The following DPP10 variants were observed in gnomAD, a reference collection of about 807,000 sequenced individuals.
DPP10 encodes dipeptidyl peptidase like 10.
In DPP10, 33 loss-of-function variants were observed where a neutral mutation model predicts 120.9. The observed-to-expected ratio is 0.27, with a 90% CI of 0.21 to 0.37. DPP10 has a LOEUF of 0.37. Ranked by LOEUF, DPP10 falls within the 10% of genes least tolerant of loss-of-function variation. The probability of loss-of-function intolerance (pLI) is 1.00; values close to 1 mark genes in which losing one functional copy is unlikely to be tolerated. For missense variants in DPP10, 816 were observed against 942.8 expected (o/e 0.87, Z 1.76); for synonymous variants, 337 against 326.1 (o/e 1.03, Z -0.36).
chr2:115,169,676 G>C lies in DPP10; in HGVS notation c.61-139563G>C, dbSNP rs1254043464. 2.6e-5 allele frequency among the ~76,000 whole-genome samples: 4 copies of C among 152,112 alleles called. No homozygotes were observed. In the South Asian group the frequency reaches 6.2e-4, roughly 24 times the overall value. On this transcript the variant is annotated intron_variant, in intron 1 of 25. Transcript: ENST00000410059. ...TTTACTTAGAAATTCTTTGCATACG[G>C]GAACAGGTGATATTATTTAGTTGAA...
intron 8 of DPP10, among the ~76,000 whole-genome samples, chr2:115,737,862 C>G (rs1676762711): frequency 6.6e-6 from 1 of 152,104 alleles, no homozygotes; most frequent in Non-Finnish European, 1.5e-5. Flanking sequence ...CTAGAAACAT[C>G]CCCGGTGTTG....
chr2:114,997,606 T>C (rs984849785), intron 1 of DPP10, among the ~76,000 whole-genome samples: 1 of 152,204 alleles, frequency 6.6e-6, no homozygotes, highest in Non-Finnish European at 1.5e-5. Context: ...CATATAATTT[T>C]ACAAAAAAAC....
chr2:115,043,059 C>T (rs910362939), intron 1 of DPP10, among the ~76,000 whole-genome samples: 29 of 152,166 alleles, frequency 1.9e-4, no homozygotes, highest in Non-Finnish European at 3.8e-4. Flanking sequence ...TACATTTTCC[C>T]TGGCCCAGTG....
At chr2:114,786,092 T>G (rs983894824) in intron 1 of DPP10, among the ~76,000 whole-genome samples, 9 of 152,210 alleles carry the variant, frequency 5.9e-5, no homozygotes, top group Non-Finnish European at 1.3e-4. Context: ...CTTAATCAGA[T>G]AAAAGTAATA....
chr2:114,652,171 G>T (rs1034865820), intron 1 of DPP10, among the ~76,000 whole-genome samples: 63 of 152,088 alleles, frequency 4.1e-4, no homozygotes, highest in African/African-American at 1.4e-3. Context: ...CTGGGGGGTG[G>T]GTTCCCCTGT....
chr2:114,736,874 A>T (rs1197219617), intron 1 of DPP10, among the ~76,000 whole-genome samples: 1 of 152,246 alleles, frequency 6.6e-6, no homozygotes, highest in Non-Finnish European at 1.5e-5. Flanking sequence ...TAGTAACCCT[A>T]GGCTTGCTAG....
chr2:114,524,503 G>C (rs1456934970), intron 1 of DPP10, among the ~76,000 whole-genome samples: 3 of 152,192 alleles, frequency 2.0e-5, no homozygotes, highest in Non-Finnish European at 2.9e-5. Flanking sequence ...TATTAGTCCT[G>C]CCCTTTGAAG....
chr2:115,343,828 A>G lies in DPP10; in HGVS notation c.187A>G (p.Asn63Asp), dbSNP rs2063568470. Reference sequence around the variant, plus strand: ...TTCCTTTATTTTAGATGAACTCACAAATTCGTCAGAAACCAGATTGTCTTT... The same window carrying G: ...TTCCTTTATTTTAGATGAACTCACAGATTCGTCAGAAACCAGATTGTCTTT... ...VILLTPDELT[N>D]SSETRLSLED... Residue 63 changes from asparagine (N) to aspartate (D), a missense_variant, in exon 3 of 26, where the codon AAT becomes GAT. Asn to Asp is a conservative substitution (Grantham distance 23). Around this residue, in one of 3 missense-constraint regions of DPP10, gnomAD observed 182 missense variants for 207.4 expected, o/e 0.88. Transcript: ENST00000410059. 1 of 1,611,060 alleles carries G rather than the reference A, an allele frequency of 6.2e-7. No individual in the cohort carries two copies.
intron 1 of DPP10, among the ~76,000 whole-genome samples, chr2:114,553,873 C>G (rs2104890627): frequency 6.6e-6 from 1 of 152,326 alleles, no homozygotes; most frequent in South Asian, 2.1e-4. Context: ...TGAGCAGCTT[C>G]CACTGTTTCA....
intron 8 of DPP10, among the ~76,000 whole-genome samples, chr2:115,730,714 G>A (rs1427384218): frequency 6.6e-6 from 1 of 152,152 alleles, no homozygotes; most frequent in Admixed American, 6.5e-5. Context: ...TATGTATTCG[G>A]TCTGAGAGTA....
At chr2:114,504,076 C>G (rs1683426893) in intron 1 of DPP10, among the ~76,000 whole-genome samples, 1 of 152,152 alleles carries the variant, frequency 6.6e-6, no homozygotes. Flanking sequence ...TCCCTACTGT[C>G]ACAGTAAGTA....
chr2:114,917,104 A>T (rs1348055243), intron 1 of DPP10, among the ~76,000 whole-genome samples: 1 of 152,224 alleles, frequency 6.6e-6, no homozygotes, highest in East Asian at 1.9e-4. Context: ...TAGAACTGAT[A>T]AACAACTTCA....
chr2:115,318,050 T>G (rs1420469347), intron 2 of DPP10, among the ~76,000 whole-genome samples: 1 of 152,144 alleles, frequency 6.6e-6, no homozygotes, highest in Admixed American at 6.6e-5. Context: ...GTCTTTTGTT[T>G]TTTTTAAATG....
chr2:114,908,845 A>G (rs1694161640), intron 1 of DPP10, among the ~76,000 whole-genome samples: 2 of 151,772 alleles, frequency 1.3e-5, no homozygotes, highest in South Asian at 2.1e-4. Context: ...GTACATATTG[A>G]TCCTGATAAT....
chr2:114,916,537 G>T (rs1008543214), intron 1 of DPP10, among the ~76,000 whole-genome samples: 1 of 152,034 alleles, frequency 6.6e-6, no homozygotes, highest in Non-Finnish European at 1.5e-5. Flanking sequence ...AAAGCTTCAG[G>T]CCAATATTCC....
intron 4 of DPP10, among the ~76,000 whole-genome samples, chr2:115,518,868 C>G (rs528029373): frequency 5.9e-5 from 9 of 152,154 alleles, no homozygotes; most frequent in Non-Finnish European, 7.4e-5. Flanking sequence ...CTTTTATATG[C>G]TGTATTCTTT....
intron 13 of DPP10, among the ~76,000 whole-genome samples, chr2:115,769,000 C>T (rs1257389578): frequency 6.6e-6 from 1 of 151,008 alleles, no homozygotes; most frequent in Admixed American, 6.6e-5. Context: ...TTTATCTAAT[C>T]AAAAGAATAT....
intron 3 of DPP10, among the ~76,000 whole-genome samples, chr2:115,448,238 G>C (rs1413176488): frequency 2.6e-5 from 4 of 152,102 alleles, no homozygotes; most frequent in South Asian, 2.1e-4. Flanking sequence ...ATCTCCCTTA[G>C]AGACTCGGGA....
intron 1 of DPP10, among the ~76,000 whole-genome samples, chr2:114,602,250 A>T (rs1692433082): frequency 6.6e-6 from 1 of 151,840 alleles, no homozygotes; most frequent in Admixed American, 6.6e-5. Context: ...AAAGTATATA[A>T]AGGTTTTTCT....
Sources: allele counts gnomAD v4.1 joint callset (sites outside exome capture counted in the v4.1 genomes callset), GRCh38; gene constraint gnomAD v4.1.1; regional missense constraint gnomAD v4.1.1; transcripts MANE v1.5; gene names NCBI Gene and HGNC (gene_info 2026-07-23, HGNC 2026-07-21).